SGPP2: variants seen among roughly 807,000 people sequenced by gnomAD.
The protein encoded by SGPP2 is sphingosine-1-phosphate phosphatase 2.
In SGPP2, 30 loss-of-function variants were observed where a neutral mutation model predicts 33.9. The observed-to-expected ratio is 0.89, with a 90% confidence interval of 0.66 to 1.20. SGPP2 has a LOEUF of 1.20. SGPP2 is among the 50% of genes most tolerant of loss of function. SGPP2 has a pLI of 0.00. For missense variants in SGPP2, 458 were observed against 532.1 expected (o/e 0.86, Z 1.37); for synonymous variants, 233 against 225.0 (o/e 1.04, Z -0.32).
chr2:222,460,360 G>C lies in SGPP2; in HGVS notation c.220-14208G>C, dbSNP rs1187046234. ...GAGGTGGGAGCGCAGGGAGGCTCCA[G>C]TGGGGCTGCTGGGCTGTGGATGGCA... On this transcript the variant is annotated intron_variant, in intron 1 of 4. Coordinates refer to ENST00000321276, the MANE Select transcript of SGPP2 (RefSeq NM_152386.4). This position sits in a 1 kb window ranked among gnomAD's most constrained non-coding sequence, Gnocchi z 4.3. 6.6e-6 allele frequency among the ~76,000 whole-genome samples: 1 copy of C among 152,210 alleles called. No homozygotes were observed. Among genetic ancestry groups the C allele is most frequent in the African/African-American group, 2.4e-5 (1 of 41,456 alleles).
At chr2:222,540,092 A>T (rs1169975899) in intron 4 of SGPP2, among the ~76,000 whole-genome samples, 1 of 152,244 alleles carries the variant, frequency 6.6e-6, no homozygotes, top group Non-Finnish European at 1.5e-5. Flanking sequence ...CTCTTCGGTC[A>T]TATAGGATGA....
At chr2:222,457,193 T>C (rs1240065204) in intron 1 of SGPP2, among the ~76,000 whole-genome samples, 1 of 152,124 alleles carries the variant, frequency 6.6e-6, no homozygotes, top group African/African-American at 2.4e-5. Context: ...TTTCCTGTTT[T>C]TTTTTTAACT....
At chr2:222,549,086 T>C (rs1408841868) in intron 4 of SGPP2, among the ~76,000 whole-genome samples, 7 of 152,246 alleles carry the variant, frequency 4.6e-5, no homozygotes. Flanking sequence ...GGCTTCAGCT[T>C]ACTCTGTGAA....
At chr2:222,520,313 G>C (rs561020713) in intron 2 of SGPP2, among the ~76,000 whole-genome samples, 2 of 151,710 alleles carry the variant, frequency 1.3e-5, no homozygotes, top group Admixed American at 6.6e-5. Context: ...AGATATGAAC[G>C]CTGGTATGTC....
chr2:222,441,803 T>G (rs1406439509), intron 1 of SGPP2, among the ~76,000 whole-genome samples: 1 of 152,208 alleles, frequency 6.6e-6, no homozygotes, highest in Non-Finnish European at 1.5e-5. Flanking sequence ...TGATCCACAT[T>G]AGAACCTTAA....
chr2:222,435,776 A>T (rs1392148413), intron 1 of SGPP2, among the ~76,000 whole-genome samples: 1 of 152,230 alleles, frequency 6.6e-6, no homozygotes, highest in Non-Finnish European at 1.5e-5. Flanking sequence ...AAGAATAAGG[A>T]AATACTCATG....
chr2:222,496,873 G>A (rs1698289238), intron 2 of SGPP2, among the ~76,000 whole-genome samples: 1 of 152,086 alleles, frequency 6.6e-6, no homozygotes, highest in Non-Finnish European at 1.5e-5. Flanking sequence ...CTGGCATCTG[G>A]CAGCAATTCA....
chr2:222,488,301 CAGG>C (rs1222524477), intron 2 of SGPP2, among the ~76,000 whole-genome samples: 10 of 152,184 alleles, frequency 6.6e-5, no homozygotes, highest in South Asian at 2.1e-4. Context: ...GGTCACACAG[CAGG>C]AGGTGAGCAG....
rs1445160969 is a variant in SGPP2, at chr2:222,490,883, G to C, written c.378+16157G>C. On this transcript the variant is annotated intron_variant, in intron 2 of 4. Transcript: ENST00000321276. Reference sequence around the variant, plus strand: ...ATTCATCAGGCCTAGGTTTCCACTTGCAGTTTTTTGGTTCGTCTTGTAACC... The same window carrying C: ...ATTCATCAGGCCTAGGTTTCCACTTCCAGTTTTTTGGTTCGTCTTGTAACC... Among the ~76,000 whole-genome samples, 3 of 152,068 alleles carry C rather than the reference G, an allele frequency of 2.0e-5. No homozygotes were observed. The South Asian group carries it at 6.2e-4, about 32-fold the overall frequency.
rs1215728831 is a variant in SGPP2 at position 222,460,269 on chromosome 2, AATTTTT to A, written c.220-14295_220-14290del. On this transcript the variant is annotated intron_variant, in intron 1 of 4. Transcript: ENST00000321276. This position sits in a 1 kb window ranked among gnomAD's most constrained non-coding sequence, Gnocchi z 4.3. ...AGCGCCAAGGCCAAACACAGAAACC[AATTTTT>A]ATTCATCTTCCAGGATGGCCCATGA... is the stretch of plus-strand genomic sequence containing the variant. Among the ~76,000 whole-genome samples, 1 of 152,158 alleles carries A rather than the reference AATTTTT, an allele frequency of 6.6e-6. No homozygotes were observed. Among genetic ancestry groups the A allele is most frequent in the Non-Finnish European group, 1.5e-5 (1 of 68,032 alleles).
chr2:222,502,205 T>C (rs1305937750), intron 2 of SGPP2, among the ~76,000 whole-genome samples: 1 of 152,234 alleles, frequency 6.6e-6, no homozygotes, highest in East Asian at 1.9e-4. Flanking sequence ...TACATTACAA[T>C]GTCTTGAGAA....
chr2:222,490,400 A>G (rs1233629924), intron 2 of SGPP2, among the ~76,000 whole-genome samples: 1 of 152,124 alleles, frequency 6.6e-6, no homozygotes, highest in Non-Finnish European at 1.5e-5. Context: ...TTTGCAATCT[A>G]AAATTCCAAG....
At chr2:222,472,844 G>A (rs1987167) in intron 1 of SGPP2, among the ~76,000 whole-genome samples, 99,754 of 151,936 alleles carry the variant, frequency 0.66, 33,341 homozygotes, top group Middle Eastern at 0.73. Flanking sequence ...GCGAAACCCC[G>A]TCTCTCTAAA....
intron 2 of SGPP2, among the ~76,000 whole-genome samples, chr2:222,510,306 AAAAG>A (rs1261934650): frequency 2.0e-5 from 3 of 152,236 alleles, no homozygotes; most frequent in African/African-American, 7.2e-5. Context: ...AGCTGAGAAA[AAAAG>A]GGAATGAGAT....
At chr2:222,429,455 G>T (rs1697119926) in intron 1 of SGPP2, among the ~76,000 whole-genome samples, 1 of 152,202 alleles carries the variant, frequency 6.6e-6, no homozygotes. Context: ...TAGTTCGAAA[G>T]AATATATTTG....
chr2:222,478,361 T>C (rs1418129645), intron 2 of SGPP2, among the ~76,000 whole-genome samples: 6 of 151,778 alleles, frequency 4.0e-5, no homozygotes, highest in East Asian at 3.9e-4. Flanking sequence ...ATGAGAGATA[T>C]TTGGTTTGCC....
chr2:222,452,223 T>C (rs1309157268), intron 1 of SGPP2, among the ~76,000 whole-genome samples: 2 of 152,238 alleles, frequency 1.3e-5, no homozygotes, highest in South Asian at 4.2e-4. Flanking sequence ...GAAAGAAACC[T>C]CTCTGATTAG....
intron 2 of SGPP2, chr2:222,504,452 G>C (rs530739715): frequency 2.0e-5 from 3 of 152,184 alleles, no homozygotes; most frequent in African/African-American, 7.2e-5. Flanking sequence ...CATCTTCACA[G>C]TTCTCTCCCA....
At chr2:222,447,623 G>C (rs562823312) in intron 1 of SGPP2, among the ~76,000 whole-genome samples, 8 of 152,156 alleles carry the variant, frequency 5.3e-5, no homozygotes, top group Non-Finnish European at 1.0e-4. Context: ...ATAACAGATT[G>C]TTCCATTTGA....
Sources: gnomAD v4.1 joint callset for allele counts (sites outside exome capture counted in the v4.1 genomes callset) on GRCh38, gnomAD v4.1.1 for gene constraint, Gnocchi (gnomAD v3.1) non-coding constraint, MANE v1.5 for transcripts, NCBI Gene and HGNC (gene_info 2026-07-23, HGNC 2026-07-21) for gene names.